The following VPS11 variants were observed in gnomAD, a reference collection of about 807,000 sequenced individuals.
The protein encoded by VPS11 is VPS11 core subunit of CORVET and HOPS complexes.
A neutral mutation model predicts 106.8 loss-of-function variants in VPS11; 51 were observed. That is an observed-to-expected ratio of 0.48 (90% CI 0.38 to 0.60). The LOEUF (loss-of-function observed/expected upper bound fraction) is 0.60. Among genes scored for constraint, VPS11 ranks in the 20% least tolerant of loss-of-function variants. The probability of loss-of-function intolerance (pLI) is 0.00; values close to 1 mark genes in which losing one functional copy is unlikely to be tolerated. For missense variants in VPS11, 950 were observed against 1,190.0 expected, an observed-to-expected ratio of 0.80 and a Z score of 2.97; for synonymous variants, 453 against 458.7, an observed-to-expected ratio of 0.99 and a Z score of 0.16.
intron 8 of VPS11, 129 bp downstream of exon 8, chr11:119,077,212 TC>T: frequency 3.3e-6 from 4 of 1,195,372 alleles, no homozygotes; most frequent in East Asian, 5.1e-5. Flanking sequence ...GAGTGGCTGT[TC>T]CTGTTAGTTC....
Position 119,078,593 on chromosome 11 carries a change from T to C in VPS11, c.1952T>C (p.Ile651Thr), listed in dbSNP as rs1681213058. 11 of 1,613,412 alleles carry C rather than the reference T, an allele frequency of 6.8e-6. No homozygotes were observed. Among genetic ancestry groups the C allele is most frequent in the Admixed American group, 3.3e-5 (2 of 60,008 alleles). The change falls in exon 12 of 16, where the codon ATT (isoleucine) becomes ACT (threonine). Residue 651 changes from isoleucine to threonine, a missense_variant. Ile to Thr is a moderately conservative substitution (Grantham distance 89). Around this residue, in one of 3 missense-constraint regions of VPS11, gnomAD observed 453 missense variants for 514.6 expected, o/e 0.88. Transcript: ENST00000621676. ...QVKEKLHAEA[I>T]SLLKSGRFCD... is the part of the protein sequence containing the mutation. Reference sequence around the variant, plus strand: ...AAAGAGAAGCTTCACGCAGAGGCCATTTCCCTGCTGAAGAGTGGTCGCTTC... The same window carrying C: ...AAAGAGAAGCTTCACGCAGAGGCCACTTCCCTGCTGAAGAGTGGTCGCTTC...
chr11:119,068,598 C>G (rs1945220340), intron 1 of VPS11, among the ~76,000 whole-genome samples: 1 of 151,928 alleles, frequency 6.6e-6, no homozygotes, highest in Non-Finnish European at 1.5e-5. Context: ...AGGCGCTTGC[C>G]ACCACACCCG....
Position 119,071,737 on chromosome 11 carries a change from C to T in VPS11, c.778C>T (p.Pro260Ser). The T allele has an allele frequency of 6.2e-7, 1 of 1,614,012 alleles. No homozygotes were observed. Among genetic ancestry groups the T allele is most frequent in the Non-Finnish European group, 8.5e-7 (1 of 1,179,880 alleles). Residue 260 changes from proline (P) to serine (S), a missense_variant, in exon 5 of 16, where the codon CCT becomes TCT. Around this residue, in one of 3 missense-constraint regions of VPS11, gnomAD observed 435 missense variants for 630.2 expected, o/e 0.69. Transcript: ENST00000621676. ...GGATGAGTGTGTCTACTTGTACCAGCCTGATGAACGTGGGCCCTGCTTCGC... is the reference window on the plus strand; with the variant it reads ...GGATGAGTGTGTCTACTTGTACCAGTCTGATGAACGTGGGCCCTGCTTCGC... Reference protein sequence around the residue: ...AGDECVYLYQPDERGPCFAFE... With the variant: ...AGDECVYLYQSDERGPCFAFE...
rs782689264 is a variant in VPS11 at position 119,078,185 on chromosome 11, G to T, written c.1774G>T (p.Glu592Ter). 6.2e-7 allele frequency: 1 copy of T among 1,613,282 alleles called. No individual in the cohort carries two copies. The highest frequency in any genetic ancestry group is 1.1e-5 in the South Asian group (1 of 91,080). ...CTTGCCATCCTAGGCCAACTCTGAG[G>T]AGTTCATCCCCATCTTTGCCAATAA... Reference protein sequence around the residue: ...EAPGCRANSEEFIPIFANNPR... With the variant: ...EAPGCRANSE Residue 592 changes from glutamate to a stop codon, truncating the protein, a stop_gained, in exon 11 of 16, where the codon GAG (glutamate) becomes TAG (stop). Coordinates refer to ENST00000621676, the MANE Select transcript of VPS11 (RefSeq NM_021729.6). LOFTEE classifies it high-confidence loss of function.
At chr11:119,070,177 C>T in intron 3 of VPS11, 57 bp from the exon 4 acceptor site, 1 of 1,531,836 alleles carries the variant, frequency 6.5e-7, no homozygotes, top group Non-Finnish European at 8.8e-7. Flanking sequence ...CTTTTTTCCC[C>T]TCTCCACTTC....
At position 119,078,783 on chromosome 11, in the gene VPS11, C is replaced by T. The variant is rs782237338; in HGVS notation, c.2064-12C>T. 9 of 1,611,404 alleles carry T rather than the reference C, an allele frequency of 5.6e-6. No homozygotes were observed. The Admixed American group carries it at 1.3e-4, about 24-fold the overall frequency. On this transcript the variant is annotated splice_polypyrimidine_tract_variant and intron_variant, in intron 12 of 15. Coordinates refer to ENST00000621676, the MANE Select transcript of VPS11 (RefSeq NM_021729.6). The stretch of plus-strand genomic sequence containing the variant: ...AGACAGCCACTGAGGTGTGCCCTTG[C>T]CCCGGCCGCAGGTTCCAGCAGATCA...
At chr11:119,080,446 G>A (rs782681624) in intron 14 of VPS11, among the ~76,000 whole-genome samples, 1 of 151,742 alleles carries the variant, frequency 6.6e-6, no homozygotes, top group South Asian at 2.1e-4. Context: ...TCGGCTCACT[G>A]CAACCTCTGC....
At position 119,076,900 on chromosome 11, in the gene VPS11, C is replaced by T; in HGVS notation, c.1242C>T (p.Thr414=). The T allele has an allele frequency of 6.2e-7, 1 of 1,613,902 alleles. No homozygotes were observed. The highest frequency in any genetic ancestry group is 1.6e-4 in the Middle Eastern group (1 of 6,062). Residue 414 remains threonine (T), a synonymous_variant, in exon 8 of 16, where the codon ACC becomes ACT. Transcript: ENST00000621676. ...TCGGGTGCACATGTCTCCCTAGAACCATTGGAAAGTTGGAGCCATCCTACG... is the reference window on the plus strand; with the variant it reads ...TCGGGTGCACATGTCTCCCTAGAACTATTGGAAAGTTGGAGCCATCCTACG... ...HDGAVQQYIR[T]IGKLEPSYVI...
rs949479753 is a variant in VPS11 at position 119,069,003 on chromosome 11, C to T, written c.188-193C>T. ...TGACCTCAGGTGATCCGCACCCCCC[C>T]CCCCCCCCGGCCTCCCAAAGTGCTG... On this transcript the variant is annotated intron_variant, in intron 1 of 15. Coordinates refer to ENST00000621676, the MANE Select transcript of VPS11 (RefSeq NM_021729.6). 2.2e-4 allele frequency among the ~76,000 whole-genome samples: 10 copies of T among 46,390 alleles called. 2 individuals carry two copies. Among genetic ancestry groups the T allele is most frequent in the Non-Finnish European group, 3.3e-4 (6 of 18,168 alleles). The allele number at this position is 46,390 out of a possible 152,430, so 30.4% of individuals were successfully genotyped here.
At chr11:119,068,444 C>CATT (rs1945211599) in intron 1 of VPS11, among the ~76,000 whole-genome samples, 4 of 128,118 alleles carry the variant, frequency 3.1e-5, no homozygotes, top group South Asian at 2.3e-4. Flanking sequence ...GCCTTTTTAC[C>CATT]TTTTTTTTTT....
rs1439341542 is a variant in VPS11 at position 119,081,099 on chromosome 11, A to G, written c.2446A>G (p.Ile816Val). 1 of 1,613,754 alleles carries G rather than the reference A, an allele frequency of 6.2e-7. No homozygotes were observed. The highest frequency in any genetic ancestry group is 1.7e-5 in the Admixed American group (1 of 60,006). The change falls in exon 15 of 16, where the codon ATT becomes GTT. Residue 816 changes from isoleucine (I) to valine (V), a missense_variant. By Grantham distance (29) the Ile-to-Val change is conservative. This residue lies in a region of VPS11 where 453 missense variants were observed against 514.6 expected (regional missense o/e 0.88). Transcript: ENST00000621676. ...GGTCTTTCTTCCCTGTAGTCCTAAG[A>G]TTTTCCAAAAGACCAAGTGCAGCAT... ...EIQELKASPK[I>V]FQKTKCSICN...
Position 119,076,999 on chromosome 11 carries a change from C to G in VPS11, c.1341C>G (p.Ser447=), listed in dbSNP as rs782410537. Reference sequence around the variant, plus strand: ...ACCTGCAGACCCTGCACCGACAATCCCTGGCCAATGCCGACCATACCACCC... The same window carrying G: ...ACCTGCAGACCCTGCACCGACAATCGCTGGCCAATGCCGACCATACCACCC... ...TAYLQTLHRQ[S]LANADHTTLL... The change falls in exon 8 of 16, where the codon TCC becomes TCG. Residue 447 remains serine, a synonymous_variant. Transcript: ENST00000621676. The G allele has an allele frequency of 5.0e-6, 8 of 1,613,910 alleles. No homozygotes were observed. The highest frequency in any genetic ancestry group is 5.9e-6 in the Non-Finnish European group (7 of 1,179,860).
At chr11:119,072,387 C>T (rs1400065175) in intron 5 of VPS11, 1 of 155,484 alleles carries the variant, frequency 6.4e-6, no homozygotes, top group Admixed American at 6.2e-5. Context: ...TTTGGACCTG[C>T]TTTTTTTGTT....
chr11:119,079,021 GGTGACAAGCTGCTGA>G (rs782146454), intron 13 of VPS11, 24 bp downstream of exon 13: 63 of 1,613,342 alleles, frequency 3.9e-5, no homozygotes, highest in Non-Finnish European at 3.6e-5. Context: ...CAGATGGGTG[GGTGACAAGCTGCTGA>G]CAGCTGGGCT....
In VPS11 at chr11:119,081,492, GCTGA is replaced by G; in HGVS notation, c.2698_2701del (p.Asp900ThrfsTer10). The G allele has an allele frequency of 3.7e-6, 6 of 1,613,998 alleles. No homozygotes were observed. Among genetic ancestry groups the G allele is most frequent in the Non-Finnish European group, 5.1e-6 (6 of 1,179,900 alleles). ...CTCCAATGACAGCTTTTCTGTGATT[GCTGA>G]CTACTTTGGCAGAGGTGTTTTCAAC... On this transcript the variant is annotated frameshift_variant, in exon 16 of 16. Transcript: ENST00000621676. LOFTEE classifies it high-confidence loss of function.
At chr11:119,078,449 T>C (rs1273368663) in intron 11 of VPS11, 115 bp downstream of exon 11, 2 of 1,568,564 alleles carry the variant, frequency 1.3e-6, no homozygotes, top group Non-Finnish European at 1.7e-6. Context: ...ACCTCGGGGC[T>C]CAATGGTCCT....
chr11:119,071,926 A>T (rs1945408910), intron 5 of VPS11, 83 bp downstream of exon 5: 1 of 1,531,736 alleles, frequency 6.5e-7, no homozygotes, highest in African/African-American at 1.4e-5. Context: ...TAATGCCTGG[A>T]TACTGCCAAT....
intron 14 of VPS11, among the ~76,000 whole-genome samples, chr11:119,080,770 G>A (rs1186736906): frequency 6.6e-6 from 1 of 152,204 alleles, no homozygotes; most frequent in African/African-American, 2.4e-5. Flanking sequence ...GTTTAGAGAA[G>A]GTGGCCCAGG....
At chr11:119,071,977 T>TG (rs1945411617) in intron 5 of VPS11, 134 bp downstream of exon 5, 1 of 774,522 alleles carries the variant, frequency 1.3e-6, no homozygotes, top group Admixed American at 4.2e-5. Flanking sequence ...AACATTTCTG[T>TG]TTTTTTTTTT....
Sources: allele counts gnomAD v4.1 joint callset (sites outside exome capture counted in the v4.1 genomes callset), GRCh38; gene constraint gnomAD v4.1.1; regional missense constraint gnomAD v4.1.1; transcripts MANE v1.5; gene names NCBI Gene and HGNC (gene_info 2026-07-23, HGNC 2026-07-21).